The following CELA2B variants were observed in gnomAD, a reference collection of about 807,000 sequenced individuals.
The protein encoded by CELA2B is chymotrypsin like elastase 2B, also known as chymotrypsin-like elastase family member 2B.
In CELA2B, 27 loss-of-function variants were observed where a neutral mutation model predicts 36.5. The observed-to-expected ratio is 0.74, with a 90% CI of 0.55 to 1.02. CELA2B has a LOEUF of 1.02. CELA2B is among the 50% of genes least tolerant of loss of function. CELA2B has a pLI of 0.00. For missense variants in CELA2B, 340 were observed against 347.8 expected (o/e 0.98, Z 0.18); for synonymous variants, 143 against 148.5 (o/e 0.96, Z 0.27).
Position 15,478,102 on chromosome 1 carries a change from C to T in CELA2B, c.129+1557C>T, listed in dbSNP as rs1708694060. Among the ~76,000 whole-genome samples, 3 of 152,022 alleles carry T rather than the reference C, an allele frequency of 2.0e-5. No individual in the cohort carries two copies. In the South Asian group the frequency reaches 6.2e-4, roughly 32 times the overall value. The stretch of plus-strand genomic sequence containing the variant: ...TCACTTGAGGTCAGCAGTTCAAGAC[C>T]AGCCTGGACATGGTGAAACTCTGCC... On this transcript the variant is annotated intron_variant, in intron 2 of 7. Transcript: ENST00000375910.
intron 7 of CELA2B, among the ~76,000 whole-genome samples, chr1:15,490,545 C>T (rs1214673639): frequency 1.3e-5 from 2 of 152,174 alleles, no homozygotes; most frequent in African/African-American, 4.8e-5. Context: ...CTGCCGTTTA[C>T]AGCACTGGAT....
rs75009106 is a variant in CELA2B, at chr1:15,488,542, G to A, written c.792+1105G>A. Among the ~76,000 whole-genome samples, 96 of 152,308 alleles carry A rather than the reference G, an allele frequency of 6.3e-4. No homozygotes were observed. In the East Asian group the frequency reaches 0.018, roughly 28 times the overall value. ...ACACCATGCCTGGTAATAGAAGCTG[G>A]GGGAGAAGAGGCGGATACTTTGTGC... On this transcript the variant is annotated intron_variant, in intron 7 of 7. Transcript: ENST00000375910.
At chr1:15,487,809 G>C (rs1209164423) in intron 7 of CELA2B, among the ~76,000 whole-genome samples, 1 of 152,180 alleles carries the variant, frequency 6.6e-6, no homozygotes, top group African/African-American at 2.4e-5. Context: ...CTGATACTTT[G>C]AGACCCCCAT....
chr1:15,487,564 G>A (rs1309834009), intron 7 of CELA2B, 127 bp downstream of exon 7: 27 of 1,299,390 alleles, frequency 2.1e-5, no homozygotes, highest in Non-Finnish European at 2.6e-5. Context: ...ACCCCTTGGA[G>A]GAGGCTGCAG....
chr1:15,477,105 A>G (rs1194417115), intron 2 of CELA2B, among the ~76,000 whole-genome samples: 22 of 152,220 alleles, frequency 1.4e-4, no homozygotes, highest in Admixed American at 1.4e-3. Context: ...ATTTACAACT[A>G]TAGTCTTACT....
intron 5 of CELA2B, 99 bp from the exon 6 acceptor site, chr1:15,485,802 G>A: frequency 7.0e-7 from 1 of 1,420,932 alleles, no homozygotes; most frequent in East Asian, 2.3e-5. Flanking sequence ...TGTTGCAATG[G>A]ATGGAAGATG....
At position 15,476,163 on chromosome 1, in the gene CELA2B, G is replaced by T. The variant is rs61738604; in HGVS notation, c.38G>T (p.Gly13Val). 2 of 1,614,052 alleles carry T rather than the reference G, an allele frequency of 1.2e-6. No homozygotes were observed. Among genetic ancestry groups the T allele is most frequent in the African/African-American group, 1.3e-5 (1 of 74,924 alleles). ...CTGCTGCTGTCCACTTTGGTGGCTG[G>T]AGGTAAGTCCTGTCACCCAGAGGCA... The part of the protein sequence containing the change: ...RTLLLSTLVA[G>V]ALSCGVSTYA... The change falls in exon 1 of 8, where the codon GGA becomes GTA. Residue 13 changes from glycine to valine, a missense_variant and splice_region_variant. Physicochemically the swap from Gly to Val is moderately radical, Grantham distance 109. Coordinates refer to ENST00000375910, the MANE Select transcript of CELA2B (RefSeq NM_015849.3).
At chr1:15,477,396 C>T (rs561363027) in intron 2 of CELA2B, among the ~76,000 whole-genome samples, 57 of 152,084 alleles carry the variant, frequency 3.7e-4, no homozygotes, top group Non-Finnish European at 8.1e-4. Context: ...TTTACATTGA[C>T]GCAAACAAAT....
At chr1:15,477,664 G>A (rs1332622911) in intron 2 of CELA2B, among the ~76,000 whole-genome samples, 2 of 152,010 alleles carry the variant, frequency 1.3e-5, no homozygotes, top group African/African-American at 2.4e-5. Context: ...CGACTTTTAC[G>A]ACTTTTCCCC....
chr1:15,476,870 A>G (rs1196781992), intron 2 of CELA2B, among the ~76,000 whole-genome samples: 1 of 152,110 alleles, frequency 6.6e-6, no homozygotes, highest in Non-Finnish European at 1.5e-5. Context: ...TAATCCCAGC[A>G]TCTCGGGAGG....
At position 15,491,303 on chromosome 1, in the gene CELA2B, A is replaced by G. The variant is rs149303641; in HGVS notation, c.801A>G (p.Ala267=). Residue 267 remains alanine (A), a synonymous_variant, in exon 8 of 8, where the codon GCA becomes GCG. Coordinates refer to ENST00000375910, the MANE Select transcript of CELA2B (RefSeq NM_015849.3). The part of the protein sequence containing the change: ...NYNDWINSVI[A]NN The stretch of plus-strand genomic sequence containing the variant: ...GTGTGTGTGTCCTGCAGGTGATTGC[A>G]AATAACTAACCAAAAGAAGTCCCTG... 658 of 1,614,182 alleles carry G rather than the reference A, an allele frequency of 4.1e-4. 1 individual carries two copies. The African/African-American group carries it at 7.7e-3, about 19-fold the overall frequency.
At position 15,487,441 on chromosome 1, in the gene CELA2B, A is replaced by G. The variant is rs764187660; in HGVS notation, c.792+4A>G. 6 of 1,614,104 alleles carry G rather than the reference A, an allele frequency of 3.7e-6. No homozygotes were observed. In the East Asian group the frequency reaches 1.3e-4, roughly 36 times the overall value. ...CTACAACGACTGGATCAATTCGGTA[A>G]GAACCGGAGCAGCCCTGAGCCCCAA... On this transcript the variant is annotated splice_donor_region_variant and intron_variant, in intron 7 of 7. Coordinates refer to ENST00000375910, the MANE Select transcript of CELA2B (RefSeq NM_015849.3).
intron 7 of CELA2B, 21 bp downstream of exon 7, chr1:15,487,458 G>A (rs750292642): frequency 6.2e-7 from 1 of 1,613,944 alleles, no homozygotes; most frequent in Non-Finnish European, 8.5e-7. Flanking sequence ...GAGCAGCCCT[G>A]AGCCCCAAGG....
At chr1:15,477,643 C>T (rs1363046015) in intron 2 of CELA2B, among the ~76,000 whole-genome samples, 6 of 152,102 alleles carry the variant, frequency 3.9e-5, no homozygotes, top group African/African-American at 9.7e-5. Flanking sequence ...ATCTGAGTTA[C>T]GAGCCCATCC....
At chr1:15,490,540 G>A (rs564715736) in intron 7 of CELA2B, among the ~76,000 whole-genome samples, 15 of 152,162 alleles carry the variant, frequency 9.9e-5, no homozygotes, top group African/African-American at 2.2e-4. Flanking sequence ...ATATCCTGCC[G>A]TTTACAGCAC....
intron 5 of CELA2B, 101 bp from the exon 6 acceptor site, chr1:15,485,800 T>C: frequency 7.1e-7 from 1 of 1,404,146 alleles, no homozygotes; most frequent in African/African-American, 1.4e-5. Flanking sequence ...CATGTTGCAA[T>C]GGATGGAAGA....
chr1:15,482,701 G>A (rs868377468), intron 4 of CELA2B, among the ~76,000 whole-genome samples: 2 of 152,092 alleles, frequency 1.3e-5, no homozygotes, highest in East Asian at 1.9e-4. Context: ...CAGTGCTGTC[G>A]ACCCTGTGAC....
intron 7 of CELA2B, among the ~76,000 whole-genome samples, chr1:15,488,277 CT>C (rs914696368): frequency 4.6e-5 from 7 of 151,794 alleles, no homozygotes; most frequent in Admixed American, 4.6e-4. Context: ...GTCTCAGCTG[CT>C]TGGGAGGCTG....
At chr1:15,485,630 C>T (rs1360675394) in intron 5 of CELA2B, among the ~76,000 whole-genome samples, 1 of 152,174 alleles carries the variant, frequency 6.6e-6, no homozygotes, top group Non-Finnish European at 1.5e-5. Flanking sequence ...AGATTTGCAT[C>T]CTCTGGAACC....
Sources: gnomAD v4.1 joint callset for allele counts (sites outside exome capture counted in the v4.1 genomes callset) on GRCh38, gnomAD v4.1.1 for gene constraint, MANE v1.5 for transcripts, NCBI Gene and HGNC (gene_info 2026-07-23, HGNC 2026-07-21) for gene names.